Variants in RBFOX1 observed in about 807,000 individuals in gnomAD.
RBFOX1 encodes the protein RNA binding fox-1 homolog 1.
In RBFOX1, 8 loss-of-function variants were observed where a neutral mutation model predicts 57.7. That is an observed-to-expected ratio of 0.14 (90% CI 0.08 to 0.25). The LOEUF (loss-of-function observed/expected upper bound fraction) is 0.25. Ranked by LOEUF, RBFOX1 falls within the 10% of genes least tolerant of loss-of-function variation. The probability of loss-of-function intolerance (pLI) is 1.00; values close to 1 mark genes in which losing one functional copy is unlikely to be tolerated. For missense variants in RBFOX1, 611 were observed against 548.5 expected (o/e 1.11, Z -1.14); for synonymous variants, 326 against 222.4 (o/e 1.47, Z -4.15).
chr16:7,579,677 A>T, intron 5 of RBFOX1, 100 bp from the exon 6 acceptor site: 5 of 1,430,470 alleles, frequency 3.5e-6, no homozygotes, highest in Non-Finnish European at 4.9e-6. Context: ...CAGATTGCTT[A>T]GTTCTGATCT....
At chr16:6,529,063 A>C (rs2153815012) in intron 2 of RBFOX1, among the ~76,000 whole-genome samples, 1 of 152,286 alleles carries the variant, frequency 6.6e-6, no homozygotes, top group Non-Finnish European at 1.5e-5. Flanking sequence ...AAAAAACAAA[A>C]AAACTTCTTG....
At chr16:6,976,438 T>A (rs2086870263) in intron 3 of RBFOX1, among the ~76,000 whole-genome samples, 1 of 152,120 alleles carries the variant, frequency 6.6e-6, no homozygotes, top group South Asian at 2.1e-4. Context: ...CATCTGTGGC[T>A]ATTGGTTTTG....
intron 5 of RBFOX1, among the ~76,000 whole-genome samples, chr16:7,557,476 C>T (rs1280372650): frequency 6.6e-6 from 1 of 151,650 alleles, no homozygotes; most frequent in African/African-American, 2.4e-5. Context: ...AAAAATTAGC[C>T]AGGCATGGTG....
At chr16:7,429,145 G>C (rs1402761059) in intron 4 of RBFOX1, among the ~76,000 whole-genome samples, 2 of 152,166 alleles carry the variant, frequency 1.3e-5, no homozygotes, top group African/African-American at 2.4e-5. Context: ...GACATCTCCT[G>C]ATGTGAACAC....
intron 3 of RBFOX1, among the ~76,000 whole-genome samples, chr16:5,701,677 G>T (rs201617189): frequency 3.3e-5 from 5 of 152,030 alleles, no homozygotes; most frequent in Non-Finnish European, 7.4e-5. Flanking sequence ...AAAACAATCC[G>T]CCTGCCTTAG....
intron 3 of RBFOX1, among the ~76,000 whole-genome samples, chr16:5,638,196 A>G (rs1177925230): frequency 6.6e-6 from 1 of 152,172 alleles, no homozygotes; most frequent in Non-Finnish European, 1.5e-5. Flanking sequence ...TGTTACTGTC[A>G]TTTTGTAGCT....
chr16:6,283,287 C>G (rs2076581861), intron 1 of RBFOX1, among the ~76,000 whole-genome samples: 1 of 152,178 alleles, frequency 6.6e-6, no homozygotes, highest in Non-Finnish European at 1.5e-5. Flanking sequence ...TGATGGCACT[C>G]TGTACCCAAC....
chr16:5,907,025 C>A (rs998421914), intron 4 of RBFOX1, among the ~76,000 whole-genome samples: 1 of 152,108 alleles, frequency 6.6e-6, no homozygotes, highest in Non-Finnish European at 1.5e-5. Context: ...GCATGAGCCA[C>A]TGTGCCCGGC....
At chr16:6,665,436 A>C (rs960927915) in intron 3 of RBFOX1, among the ~76,000 whole-genome samples, 19 of 152,220 alleles carry the variant, frequency 1.2e-4, no homozygotes, top group Admixed American at 6.5e-5. Flanking sequence ...CAACATGGTG[A>C]AACCCCATCG....
intron 2 of RBFOX1, among the ~76,000 whole-genome samples, chr16:6,612,452 T>C (rs1000110557): frequency 1.3e-5 from 2 of 152,016 alleles, no homozygotes; most frequent in Admixed American, 1.3e-4. Flanking sequence ...TATTGACTTA[T>C]TTAAGTTTCA....
Position 6,023,904 on chromosome 16 carries a change from C to T in RBFOX1, c.-127+3912C>T, listed in dbSNP as rs116553011. 3.3e-3 allele frequency among the ~76,000 whole-genome samples: 504 copies of T among 152,298 alleles called. 6 individuals carry two copies. Among genetic ancestry groups the T allele is most frequent in the African/African-American group, 0.011 (444 of 41,572 alleles). ...CGAGGCACAGGTATAAATATTAAAA[C>T]TTTAATTAAAGAATCAATCAGTGAT... On this transcript the variant is annotated intron_variant, in intron 1 of 15. Transcript: ENST00000550418.
intron 4 of RBFOX1, among the ~76,000 whole-genome samples, chr16:7,266,136 G>C (rs2095131495): frequency 6.6e-6 from 1 of 151,732 alleles, no homozygotes; most frequent in Non-Finnish European, 1.5e-5. Context: ...CAATACACCT[G>C]GCTAATTTTT....
intron 3 of RBFOX1, among the ~76,000 whole-genome samples, chr16:6,820,869 T>C (rs1480091695): frequency 6.6e-6 from 1 of 152,198 alleles, no homozygotes; most frequent in Admixed American, 6.5e-5. Context: ...TGACCCATAG[T>C]GTTGCTGTTT....
At chr16:5,622,367 TGTAGGTTCCATGGGG>T (rs1201017222) in intron 3 of RBFOX1, among the ~76,000 whole-genome samples, 1 of 152,210 alleles carries the variant, frequency 6.6e-6, no homozygotes, top group Non-Finnish European at 1.5e-5. Flanking sequence ...TCCACCAGAA[TGTAGGTTCCATGGGG>T]TAAGGAGTCT....
At chr16:5,578,175 C>A (rs116672505) in intron 2 of RBFOX1, among the ~76,000 whole-genome samples, 1 of 152,158 alleles carries the variant, frequency 6.6e-6, no homozygotes, top group East Asian at 1.9e-4. Context: ...TGGTTTTGAT[C>A]TCTTGACCTC....
At chr16:5,318,982 C>G (rs2064320712) in intron 1 of RBFOX1, among the ~76,000 whole-genome samples, 1 of 152,096 alleles carries the variant, frequency 6.6e-6, no homozygotes, top group South Asian at 2.1e-4. Context: ...AAAAAATTAG[C>G]TGGGCATGGT....
chr16:6,363,175 T>G (rs2088913549), intron 2 of RBFOX1, among the ~76,000 whole-genome samples: 2 of 152,266 alleles, frequency 1.3e-5, no homozygotes, highest in Non-Finnish European at 1.5e-5. Flanking sequence ...TTATTTATAT[T>G]GAAAATATAG....
chr16:6,706,808 C>G (rs564713426), intron 3 of RBFOX1, among the ~76,000 whole-genome samples: 2 of 150,776 alleles, frequency 1.3e-5, no homozygotes, highest in Admixed American at 6.6e-5. Context: ...AGAAAATTGT[C>G]CTGTTTAGGG....
chr16:6,817,920 A>G (rs1216126621), intron 3 of RBFOX1, among the ~76,000 whole-genome samples: 1 of 152,130 alleles, frequency 6.6e-6, no homozygotes, highest in Non-Finnish European at 1.5e-5. Context: ...CCATTGCCCA[A>G]AAATCTACTG....
Sources: allele counts gnomAD v4.1 joint callset (sites outside exome capture counted in the v4.1 genomes callset), GRCh38; gene constraint gnomAD v4.1.1; transcripts MANE v1.5; gene names NCBI Gene and HGNC (gene_info 2026-07-23, HGNC 2026-07-21).